Variants in CTIF observed in about 807,000 individuals in gnomAD.
CTIF encodes cap binding complex dependent translation initiation factor.
A neutral mutation model predicts 66.0 loss-of-function variants in CTIF; 21 were observed. That is an observed-to-expected ratio of 0.32 (90% CI 0.23 to 0.46). The LOEUF (loss-of-function observed/expected upper bound fraction) is 0.46. CTIF is among the 20% of genes least tolerant of loss of function. The probability of loss-of-function intolerance (pLI) is 1.00; values close to 1 mark genes in which losing one functional copy is unlikely to be tolerated. For missense variants in CTIF, 739 were observed against 812.7 expected, an observed-to-expected ratio of 0.91 and a Z score of 1.10; for synonymous variants, 345 against 326.4, an observed-to-expected ratio of 1.06 and a Z score of -0.62.
intron 3 of CTIF, among the ~76,000 whole-genome samples, chr18:48,656,837 A>T (rs1339113696): frequency 2.0e-5 from 3 of 152,140 alleles, no homozygotes; most frequent in Admixed American, 2.0e-4. Flanking sequence ...TCAGGGCTGG[A>T]GAGGATGCTG....
At chr18:48,745,566 T>A (rs547203599) in intron 7 of CTIF, among the ~76,000 whole-genome samples, 1 of 152,374 alleles carries the variant, frequency 6.6e-6, no homozygotes, top group South Asian at 2.1e-4. Context: ...CTTCTAAATG[T>A]ACTAGTTGTC....
intron 7 of CTIF, among the ~76,000 whole-genome samples, chr18:48,750,518 A>G (rs1055287442): frequency 1.3e-5 from 2 of 152,176 alleles, no homozygotes; most frequent in South Asian, 4.1e-4. Context: ...CACCCGAAAA[A>G]CAATCCCCGA....
chr18:48,712,172 C>G (rs899805984), intron 7 of CTIF, among the ~76,000 whole-genome samples: 1 of 152,140 alleles, frequency 6.6e-6, no homozygotes, highest in African/African-American at 2.4e-5. Context: ...GCTCTGCTGT[C>G]ACAGGCAACA....
At chr18:48,659,709 C>T (rs1008319317) in intron 3 of CTIF, among the ~76,000 whole-genome samples, 1 of 152,100 alleles carries the variant, frequency 6.6e-6, no homozygotes, top group African/African-American at 2.4e-5. Flanking sequence ...GCCCAAAGGC[C>T]CAAGGTGGGC....
chr18:48,716,626 A>C (rs1191890389), intron 7 of CTIF, among the ~76,000 whole-genome samples: 1 of 151,824 alleles, frequency 6.6e-6, no homozygotes, highest in African/African-American at 2.4e-5. Flanking sequence ...AGCGGCCACC[A>C]CCCCCAATTG....
At chr18:48,796,478 A>G (rs1420357493) in intron 9 of CTIF, among the ~76,000 whole-genome samples, 1 of 152,178 alleles carries the variant, frequency 6.6e-6, no homozygotes, top group East Asian at 1.9e-4. Context: ...ACCTGGCCTG[A>G]ATGCCCAGTT....
intron 1 of CTIF, among the ~76,000 whole-genome samples, chr18:48,584,281 C>A (rs1285620336): frequency 1.3e-5 from 2 of 152,188 alleles, no homozygotes; most frequent in Non-Finnish European, 2.9e-5. Context: ...AGATGGGAAG[C>A]CTTTCTGTGT....
chr18:48,584,024 A>G (rs2089717374), intron 1 of CTIF, among the ~76,000 whole-genome samples: 1 of 152,214 alleles, frequency 6.6e-6, no homozygotes, highest in Non-Finnish European at 1.5e-5. Context: ...GAGAATCGGA[A>G]ATAGACATCT....
chr18:48,693,214 T>C (rs2091958018), intron 6 of CTIF, among the ~76,000 whole-genome samples: 1 of 152,160 alleles, frequency 6.6e-6, no homozygotes, highest in African/African-American at 2.4e-5. Context: ...GCCCAGGCTG[T>C]CCTGTGTGGC....
At chr18:48,583,683 C>T (rs1387449983) in intron 1 of CTIF, among the ~76,000 whole-genome samples, 3 of 152,178 alleles carry the variant, frequency 2.0e-5, no homozygotes, top group African/African-American at 4.8e-5. Flanking sequence ...GAGGGAGGAT[C>T]GATTCCACCA....
intron 1 of CTIF, among the ~76,000 whole-genome samples, chr18:48,550,315 G>T (rs2088852820): frequency 1.3e-5 from 2 of 152,230 alleles, no homozygotes; most frequent in Non-Finnish European, 2.9e-5. Flanking sequence ...CCAGTGGGTT[G>T]GTAGAGGATG....
Position 48,619,694 on chromosome 18 carries a change from C to G in CTIF, c.129C>G (p.Asp43Glu). The G allele has an allele frequency of 6.2e-7, 1 of 1,608,360 alleles. No homozygotes were observed. Among genetic ancestry groups the G allele is most frequent in the African/African-American group, 1.3e-5 (1 of 74,974 alleles). ...ACCAGGTGCAGGGGCTGCTGGCTGA[C>G]AAGACGGAGGGTGATGGCGAGAGCG... Reference protein sequence around the residue: ...LEYQVQGLLADKTEGDGESER... With the variant: ...LEYQVQGLLAEKTEGDGESER... The change falls in exon 2 of 12, where the codon GAC becomes GAG. Residue 43 changes from aspartate to glutamate, a missense_variant. This residue lies in a region of CTIF where 529 missense variants were observed against 520.3 expected (regional missense o/e 1.02). Coordinates refer to ENST00000256413, the MANE Select transcript of CTIF (RefSeq NM_014772.3).
intron 1 of CTIF, among the ~76,000 whole-genome samples, chr18:48,595,127 C>G (rs932158277): frequency 1.2e-4 from 19 of 152,186 alleles, no homozygotes; most frequent in Non-Finnish European, 2.9e-5. Context: ...GAAATGGACC[C>G]CCGAGCCTGG....
chr18:48,851,378 G>A (rs1049689633), intron 10 of CTIF, among the ~76,000 whole-genome samples: 1 of 152,186 alleles, frequency 6.6e-6, no homozygotes, highest in Non-Finnish European at 1.5e-5. Context: ...CAGAAGAGAC[G>A]AGGAGGAGAC....
chr18:48,849,774 C>G (rs994712944), intron 10 of CTIF, among the ~76,000 whole-genome samples: 1 of 151,752 alleles, frequency 6.6e-6, no homozygotes, highest in Non-Finnish European at 1.5e-5. Context: ...TTAATAGAGA[C>G]GGGGTTTCAC....
At chr18:48,800,796 C>T (rs2068034405) in intron 9 of CTIF, among the ~76,000 whole-genome samples, 1 of 152,246 alleles carries the variant, frequency 6.6e-6, no homozygotes, top group East Asian at 1.9e-4. Flanking sequence ...ACCAGAGTGC[C>T]TCACCCAGGC....
At chr18:48,649,163 C>T (rs1568103703) in intron 3 of CTIF, among the ~76,000 whole-genome samples, 1 of 152,130 alleles carries the variant, frequency 6.6e-6, no homozygotes, top group South Asian at 2.1e-4. Context: ...TTGCGTCACC[C>T]GAGAAGCACA....
chr18:48,745,510 A>G lies in CTIF; in HGVS notation c.585-12409A>G, dbSNP rs1388874510. ...CCATTGATGATTCTTGCTTGAAACA[A>G]TTGTTCTTATGGTGGTTGCCAAATG... On this transcript the variant is annotated intron_variant, in intron 7 of 11. Coordinates refer to ENST00000256413, the MANE Select transcript of CTIF (RefSeq NM_014772.3). 2.6e-5 allele frequency among the ~76,000 whole-genome samples: 4 copies of G among 152,326 alleles called. No homozygotes were observed. The South Asian group carries it at 6.2e-4, about 24-fold the overall frequency.
chr18:48,633,720 T>C (rs2090763090), intron 2 of CTIF, among the ~76,000 whole-genome samples: 1 of 151,456 alleles, frequency 6.6e-6, no homozygotes, highest in Non-Finnish European at 1.5e-5. Context: ...AATAAATAAA[T>C]AAATAAATAA....
Sources: gnomAD v4.1 joint callset for allele counts (sites outside exome capture counted in the v4.1 genomes callset) on GRCh38, gnomAD v4.1.1 for gene constraint, gnomAD v4.1.1 regional missense constraint, MANE v1.5 for transcripts, NCBI Gene and HGNC (gene_info 2026-07-23, HGNC 2026-07-21) for gene names.